RAC1: variants seen among roughly 807,000 people sequenced by gnomAD.
RAC1 encodes the protein Rac family small GTPase 1.
RAC1 carries 2 observed loss-of-function variants against 25.2 expected under a neutral mutation model. The ratio of observed to expected loss-of-function variants is 0.08; its 90% confidence interval spans 0.03 to 0.25. The LOEUF (loss-of-function observed/expected upper bound fraction) is 0.25. RAC1 is among the 10% of genes least tolerant of loss of function. The pLI is 1.00. For synonymous variants in RAC1, 88 were observed against 94.0 expected (o/e 0.94, Z 0.37); for missense variants, 50 against 235.7 (o/e 0.21, Z 5.16).
At chr7:6,392,074 T>C in intron 3 of RAC1, 33 bp downstream of exon 3, 1 of 1,613,464 alleles carries the variant, frequency 6.2e-7, no homozygotes, top group Non-Finnish European at 8.5e-7. Flanking sequence ...AATGTGTCTT[T>C]TAGAGTATAT....
chr7:6,392,403 A>T (rs1406158787), intron 3 of RAC1, among the ~76,000 whole-genome samples: 1 of 152,240 alleles, frequency 6.6e-6, no homozygotes, highest in Non-Finnish European at 1.5e-5. Context: ...GGCAGTTAAG[A>T]TTCAGGTTTC....
chr7:6,399,911 T>G, intron 3 of RAC1: 1 of 579,544 alleles, frequency 1.7e-6, no homozygotes, highest in South Asian at 2.2e-5. Flanking sequence ...CCCTTCATGC[T>G]CCCCATTTTC....
rs576711962 is a variant in RAC1 at position 6,394,646 on chromosome 7, T to C, written c.225+2605T>C. On this transcript the variant is annotated intron_variant, in intron 3 of 5. Transcript: ENST00000348035. ...CCAGGACCCCAGTGCGTCATGCCAG[T>C]TGTTTCATTTTCTCTCTAGGCTAAA... Among the ~76,000 whole-genome samples the C allele has an allele frequency of 2.0e-4, 31 of 152,052 alleles. No homozygotes were observed. The South Asian group carries it at 6.0e-3, about 30-fold the overall frequency.
intron 3 of RAC1, 48 bp from the exon 4 acceptor site, chr7:6,400,078 C>G (rs1249162681): frequency 6.6e-7 from 1 of 1,515,884 alleles, no homozygotes; most frequent in Non-Finnish European, 9.2e-7. Flanking sequence ...GTGCATGCTT[C>G]ATTCTAAGGT....
intron 2 of RAC1, 118 bp from the exon 3 acceptor site, chr7:6,391,806 G>C: frequency 6.7e-7 from 1 of 1,492,720 alleles, no homozygotes; most frequent in African/African-American, 1.4e-5. Flanking sequence ...GACATTTGCT[G>C]GTGTGGCAGC....
At chr7:6,397,739 G>C (rs960111862) in intron 3 of RAC1, among the ~76,000 whole-genome samples, 2 of 152,196 alleles carry the variant, frequency 1.3e-5, no homozygotes, top group Non-Finnish European at 2.9e-5. Context: ...TGTAATCCCA[G>C]CACGTTGGGA....
intron 5 of RAC1, 139 bp from the exon 6 acceptor site, chr7:6,402,176 TA>T (rs976927528): frequency 5.4e-5 from 79 of 1,453,116 alleles, no homozygotes; most frequent in Non-Finnish European, 7.2e-5. Context: ...CTGTGGGTCT[TA>T]ACGTCAGCGT....
chr7:6,398,602 A>T, intron 3 of RAC1: 1 of 1,429,484 alleles, frequency 7.0e-7, no homozygotes, highest in Non-Finnish European at 9.8e-7. Flanking sequence ...AAGAGGTTAT[A>T]TTGATTTTTG....
chr7:6,392,574 A>T (rs181222678), intron 3 of RAC1, among the ~76,000 whole-genome samples: 31 of 152,316 alleles, frequency 2.0e-4, no homozygotes, highest in African/African-American at 7.2e-4. Context: ...TCTAATCAGA[A>T]AAAAAAGTTT....
chr7:6,375,344 C>T (rs1782553711), intron 1 of RAC1, among the ~76,000 whole-genome samples: 1 of 152,030 alleles, frequency 6.6e-6, no homozygotes, highest in Admixed American at 6.6e-5. Flanking sequence ...CCCATCCCAG[C>T]CTCCAAAATG....
At chr7:6,399,846 T>G in intron 3 of RAC1, 1 of 433,912 alleles carries the variant, frequency 2.3e-6, no homozygotes, top group Non-Finnish European at 4.1e-6. Context: ...AAAGGAAGCC[T>G]CCTGAGGGTC....
At chr7:6,375,283 T>A (rs925885664) in intron 1 of RAC1, among the ~76,000 whole-genome samples, 1 of 151,724 alleles carries the variant, frequency 6.6e-6, no homozygotes. Flanking sequence ...ATAGACGGGG[T>A]CTCGCTGTGT....
At chr7:6,391,184 C>T (rs1783081631) in intron 2 of RAC1, among the ~76,000 whole-genome samples, 1 of 152,102 alleles carries the variant, frequency 6.6e-6, no homozygotes, top group Non-Finnish European at 1.5e-5. Flanking sequence ...AGGCGTGAGC[C>T]ACCGTGCCCA....
chr7:6,378,557 GA>G (rs1012701600), intron 1 of RAC1, among the ~76,000 whole-genome samples: 1 of 151,574 alleles, frequency 6.6e-6, no homozygotes, highest in Non-Finnish European at 1.5e-5. Context: ...GAAAAAAAAA[GA>G]AAAAAAGTCA....
At chr7:6,388,845 A>G (rs1782999906) in intron 2 of RAC1, among the ~76,000 whole-genome samples, 1 of 152,170 alleles carries the variant, frequency 6.6e-6, no homozygotes, top group Non-Finnish European at 1.5e-5. Context: ...GTCTTTGTGT[A>G]CACTTGATAG....
intron 2 of RAC1, among the ~76,000 whole-genome samples, chr7:6,389,059 G>A (rs189635366): frequency 3.3e-5 from 5 of 152,108 alleles, no homozygotes; most frequent in African/African-American, 9.6e-5. Context: ...GTAGTTAGCC[G>A]GGTGTGGTGG....
chr7:6,394,582 C>T (rs56228579), intron 3 of RAC1, among the ~76,000 whole-genome samples: 17,569 of 152,140 alleles, frequency 0.12, 1,239 homozygotes, highest in Admixed American at 0.2. Context: ...GGCTGTGCAG[C>T]GGGTTCGCTG....
In RAC1 at chr7:6,375,555, C is replaced by G. The variant is rs149742934; in HGVS notation, c.35+785C>G. Among the ~76,000 whole-genome samples, 843 of 152,292 alleles carry G rather than the reference C, an allele frequency of 5.5e-3. 7 individuals are homozygous for G. The highest frequency in any genetic ancestry group is 0.02 in the African/African-American group (816 of 41,546). Reference sequence around the variant, plus strand: ...TCGACAGGTTTTTTGACTTACACTTCTGCCACTGTTAGGATTCTTAAAATT... The same window carrying G: ...TCGACAGGTTTTTTGACTTACACTTGTGCCACTGTTAGGATTCTTAAAATT... On this transcript the variant is annotated intron_variant, in intron 1 of 5. Coordinates refer to ENST00000348035, the MANE Select transcript of RAC1 (RefSeq NM_006908.5).
chr7:6,386,237 CCTG>C (rs1326221912), intron 1 of RAC1, among the ~76,000 whole-genome samples: 1 of 152,056 alleles, frequency 6.6e-6, no homozygotes, highest in Non-Finnish European at 1.5e-5. Flanking sequence ...TGTGATAGTC[CCTG>C]CTTATAGACT....
Sources: gnomAD v4.1 joint callset for allele counts (sites outside exome capture counted in the v4.1 genomes callset) on GRCh38, gnomAD v4.1.1 for gene constraint, MANE v1.5 for transcripts, NCBI Gene and HGNC (gene_info 2026-07-23, HGNC 2026-07-21) for gene names.